The following SH3TC1 variants were observed in gnomAD, a reference collection of about 807,000 sequenced individuals.
The protein encoded by SH3TC1 is SH3 domain and tetratricopeptide repeat-containing protein 1.
A neutral mutation model predicts 117.3 loss-of-function variants in SH3TC1; 135 were observed. That is an observed-to-expected ratio of 1.15 (90% CI 1.00 to 1.33). The LOEUF is 1.33. Ranked by LOEUF, SH3TC1 falls within the 40% of genes most tolerant of loss-of-function variation. The probability of loss-of-function intolerance (pLI) is 0.00; values close to 1 mark genes in which losing one functional copy is unlikely to be tolerated. For synonymous variants in SH3TC1, 898 were observed against 816.9 expected (o/e 1.10, Z -1.69); for missense variants, 2,092 against 1,794.3 (o/e 1.17, Z -3.00).
chr4:8,215,524 G>T (rs937074260), intron 5 of SH3TC1, among the ~76,000 whole-genome samples: 19 of 152,324 alleles, frequency 1.2e-4, no homozygotes, highest in African/African-American at 4.1e-4. Flanking sequence ...AGGGCAGCAG[G>T]CTTCCTGTCT....
chr4:8,220,604 A>G lies in SH3TC1; in HGVS notation c.1112+1074A>G, dbSNP rs146408227. On this transcript the variant is annotated intron_variant, in intron 9 of 17. Transcript: ENST00000245105. ...TGTTTCCCTGGCCTTGTCCTTGTTAAGACCTCAGTCAAGGAGCCCAGAGAA... is the reference window on the plus strand; with the variant it reads ...TGTTTCCCTGGCCTTGTCCTTGTTAGGACCTCAGTCAAGGAGCCCAGAGAA... Among the ~76,000 whole-genome samples the G allele has an allele frequency of 1.7e-3, 261 of 152,284 alleles. 3 individuals are homozygous for G. The highest frequency in any genetic ancestry group is 6.0e-3 in the African/African-American group (250 of 41,548).
At position 8,227,285 on chromosome 4, in the gene SH3TC1, C is replaced by G; in HGVS notation, c.1591C>G (p.Arg531Gly). 4 of 1,607,370 alleles carry G rather than the reference C, an allele frequency of 2.5e-6. No homozygotes were observed. Among genetic ancestry groups the G allele is most frequent in the Non-Finnish European group, 3.4e-6 (4 of 1,177,508 alleles). ...GCTGCCGTGGCTGAGCAGCGTGTTCCGCAGCTTCAGCGACGAGGAGGAGCT... is the reference window on the plus strand; with the variant it reads ...GCTGCCGTGGCTGAGCAGCGTGTTCGGCAGCTTCAGCGACGAGGAGGAGCT... ...VALPWLSSVFRSFSDEEELTG... is the reference protein window; with the variant it reads ...VALPWLSSVFGSFSDEEELTG... The change falls in exon 12 of 18, where the codon CGC becomes GGC. Residue 531 changes from arginine to glycine, a missense_variant. Transcript: ENST00000245105.
intron 14 of SH3TC1, among the ~76,000 whole-genome samples, chr4:8,234,517 ATCCG>A (rs1223432882): frequency 2.0e-5 from 3 of 149,222 alleles, no homozygotes; most frequent in African/African-American, 5.0e-5. Context: ...TCATCTGTCC[ATCCG>A]TCCGTCCATC....
chr4:8,232,425 A>G (rs1296497542), intron 13 of SH3TC1: 6 of 1,549,364 alleles, frequency 3.9e-6, no homozygotes, highest in African/African-American at 1.4e-5. Context: ...CAACCCCAGC[A>G]GAAGCAGTTA....
chr4:8,206,866 T>A lies in SH3TC1; in HGVS notation c.172+1500T>A, dbSNP rs956885066. ...GTGTGTGTGTGTGTGTGTGTGTGTGTGTGATTTTCTTCTGATCCTTTTGGG... is the reference window on the plus strand; with the variant it reads ...GTGTGTGTGTGTGTGTGTGTGTGTGAGTGATTTTCTTCTGATCCTTTTGGG... On this transcript the variant is annotated intron_variant, in intron 2 of 17. Coordinates refer to ENST00000245105, the MANE Select transcript of SH3TC1 (RefSeq NM_018986.5). This position sits in a 1 kb window ranked among gnomAD's most constrained non-coding sequence, Gnocchi z 5.5. Among the ~76,000 whole-genome samples the A allele has an allele frequency of 4.0e-4, 60 of 150,020 alleles. No homozygotes were observed. The highest frequency in any genetic ancestry group is 1.5e-3 in the African/African-American group (60 of 40,878).
chr4:8,234,574 TCC>T (rs1721635719), intron 14 of SH3TC1, among the ~76,000 whole-genome samples: 1 of 76,870 alleles, frequency 1.3e-5, no homozygotes. Flanking sequence ...CATTTATCCA[TCC>T]ATCCACCCAT....
At position 8,205,889 on chromosome 4, in the gene SH3TC1, G is replaced by C. The variant is rs1381810760; in HGVS notation, c.172+523G>C. Reference sequence around the variant, plus strand: ...CAGGATCCCCTCTTACCCCCATCCTGAGACCCTGAAGGGGACGAGGGGAGA... The same window carrying C: ...CAGGATCCCCTCTTACCCCCATCCTCAGACCCTGAAGGGGACGAGGGGAGA... On this transcript the variant is annotated intron_variant, in intron 2 of 17. Coordinates refer to ENST00000245105, the MANE Select transcript of SH3TC1 (RefSeq NM_018986.5). This position sits in a 1 kb window ranked among gnomAD's most constrained non-coding sequence, Gnocchi z 5.4. 1.8e-6 allele frequency: 1 copy of C among 556,784 alleles called. No homozygotes were observed. Among genetic ancestry groups the C allele is most frequent in the African/African-American group, 1.9e-5 (1 of 53,150 alleles). 34.5% of individuals were successfully genotyped at this position (556,784 alleles called of 1,614,324 possible). A position where few individuals can be genotyped will look rare whatever the true frequency, so the allele number is the denominator to read the frequency against.
intron 12 of SH3TC1, among the ~76,000 whole-genome samples, chr4:8,230,374 G>A (rs549735507): frequency 2.2e-4 from 33 of 152,112 alleles, no homozygotes; most frequent in Non-Finnish European, 4.3e-4. Flanking sequence ...GGCCTCAAGC[G>A]ATCCTCCCAC....
Position 8,227,788 on chromosome 4 carries a change from G to A in SH3TC1, c.2094G>A (p.Ser698=), listed in dbSNP as rs771910935. Residue 698 remains serine (S), a synonymous_variant, in exon 12 of 18, where the codon TCG becomes TCA. Coordinates refer to ENST00000245105, the MANE Select transcript of SH3TC1 (RefSeq NM_018986.5). ...LERLLLLHRD[S]GAPEAAWLSD... ...GGCTGCTGCTTTTGCACAGGGACTC[G>A]GGAGCCCCAGAGGCCGCGTGGCTCT... The A allele has an allele frequency of 2.5e-6, 4 of 1,612,576 alleles. No individual in the cohort carries two copies. Among genetic ancestry groups the A allele is most frequent in the Non-Finnish European group, 3.4e-6 (4 of 1,179,952 alleles).
At chr4:8,215,807 G>A (rs950204752) in intron 5 of SH3TC1, among the ~76,000 whole-genome samples, 1 of 152,232 alleles carries the variant, frequency 6.6e-6, no homozygotes, top group East Asian at 1.9e-4. Flanking sequence ...GGCCTGCACG[G>A]CCCCCGACCA....
chr4:8,203,054 T>G (rs1717944611), intron 1 of SH3TC1, among the ~76,000 whole-genome samples: 1 of 152,220 alleles, frequency 6.6e-6, no homozygotes, highest in Admixed American at 6.5e-5. Flanking sequence ...CGTCCCTGTC[T>G]GCAGCCAACT....
chr4:8,225,874 T>G lies in SH3TC1; in HGVS notation c.1285+658T>G, dbSNP rs1720407660. 1.3e-5 allele frequency among the ~76,000 whole-genome samples: 2 copies of G among 151,918 alleles called. No individual in the cohort carries two copies. ...TGGGGAAGGGAAGGCTGTTGTAGGT[T>G]TTCCTGGGGGAGGGGGTGGATCCAC... On this transcript the variant is annotated intron_variant, in intron 11 of 17. Transcript: ENST00000245105. The surrounding 1 kb of genome is among the most constrained non-coding windows in gnomAD (Gnocchi z 5.5).
intron 13 of SH3TC1, chr4:8,232,452 T>G (rs760246973): frequency 7.3e-5 from 109 of 1,497,038 alleles, no homozygotes; most frequent in Middle Eastern, 1.8e-4. Context: ...TTCTGGGCTG[T>G]TCTTCCTACC....
At chr4:8,199,486 T>C (rs77140049) in intron 1 of SH3TC1, 81 bp downstream of exon 1, 5,594 of 152,346 alleles carry the variant, frequency 0.037, 150 homozygotes, top group Non-Finnish European at 0.059. Flanking sequence ...GTTGGATCTT[T>C]ACACTTTCTT....
Position 8,228,579 on chromosome 4 carries a change from C to T in SH3TC1, c.2885C>T (p.Ala962Val), listed in dbSNP as rs373593679. 14 of 1,590,306 alleles carry T rather than the reference C, an allele frequency of 8.8e-6. No homozygotes were observed. In the African/African-American group the frequency reaches 1.7e-4, roughly 20 times the overall value. Reference sequence around the variant, plus strand: ...CATCTCTGCACCCGCCAGGGCCCGGCCCAGCAGGGCAAGGGCTACTACGAG... The same window carrying T: ...CATCTCTGCACCCGCCAGGGCCCGGTCCAGCAGGGCAAGGGCTACTACGAG... ...LGHLCTRQGP[A>V]QQGKGYYEWA... The change falls in exon 12 of 18, where the codon GCC becomes GTC. Residue 962 changes from alanine (A) to valine (V), a missense_variant. Transcript: ENST00000245105.
Position 8,205,763 on chromosome 4 carries a change from G to A in SH3TC1, c.172+397G>A. 3.0e-6 allele frequency: 2 copies of A among 662,448 alleles called. No homozygotes were observed. The highest frequency in any genetic ancestry group is 2.8e-6 in the Non-Finnish European group (1 of 360,306). 41.0% of individuals were successfully genotyped at this position (662,448 alleles called of 1,614,324 possible). A position where few individuals can be genotyped will look rare whatever the true frequency, so the allele number is the denominator to read the frequency against. ...AGGAGGCACCCAAGGTGCAGAGAGG[G>A]AAGGGCCGGGCCAGGCCACCCTGTG... On this transcript the variant is annotated intron_variant, in intron 2 of 17. Transcript: ENST00000245105. This position sits in a 1 kb window ranked among gnomAD's most constrained non-coding sequence, Gnocchi z 5.4.
chr4:8,192,801 T>A lies in SH3TC1; in HGVS notation c.-57+10591T>A, dbSNP rs1717456366. ...GCCACGGTGCCCGGCCCACTTGTCT[T>A]TATTTGTTGCCTTCTCTTCTGCTCC... On this transcript the variant is annotated intron_variant, in intron 1 of 16. Transcript: ENST00000508641. The surrounding 1 kb of genome is among the most constrained non-coding windows in gnomAD (Gnocchi z 4.1). Among the ~76,000 whole-genome samples, 1 of 152,192 alleles carries A rather than the reference T, an allele frequency of 6.6e-6. No individual in the cohort carries two copies. Among genetic ancestry groups the A allele is most frequent in the South Asian group, 2.1e-4 (1 of 4,834 alleles).
In SH3TC1 at chr4:8,212,768, C is replaced by T. The variant is rs1220165260; in HGVS notation, c.315C>T (p.Thr105=). Residue 105 remains threonine, a synonymous_variant, in exon 4 of 18, where the codon ACC becomes ACT. Coordinates refer to ENST00000245105, the MANE Select transcript of SH3TC1 (RefSeq NM_018986.5). ...TGCGGGACCCCGGCCTACAGCAGAC[C>T]CTCCGGGGCCAGCTCCGCCTGCTGG... ...SRLRDPGLQQ[T]LRGQLRLLEN... is the part of the protein sequence containing the mutation. The T allele has an allele frequency of 1.9e-6, 3 of 1,611,984 alleles. No individual in the cohort carries two copies. The highest frequency in any genetic ancestry group is 4.5e-5 in the East Asian group (2 of 44,846).
In SH3TC1 at chr4:8,236,291, C is replaced by T. The variant is rs1486344773; in HGVS notation, c.3419C>T (p.Pro1140Leu). 3.2e-6 allele frequency: 5 copies of T among 1,554,608 alleles called. No homozygotes were observed. Among genetic ancestry groups the T allele is most frequent in the Admixed American group, 1.9e-5 (1 of 51,990 alleles). The change falls in exon 16 of 18, where the codon CCC (proline) becomes CTC (leucine). Residue 1140 changes from proline (P) to leucine (L), a missense_variant. Transcript: ENST00000245105. ...AVSFYRDRAL[P>L]LAVTTGNRKA... Reference sequence around the variant, plus strand: ...CCTGTGTGGCAGGACCGGGCCCTGCCCCTGGCAGTGACTACGGGCAACCGC... The same window carrying T: ...CCTGTGTGGCAGGACCGGGCCCTGCTCCTGGCAGTGACTACGGGCAACCGC...
Sources: gnomAD v4.1 joint callset for allele counts (sites outside exome capture counted in the v4.1 genomes callset) on GRCh38, gnomAD v4.1.1 for gene constraint, Gnocchi (gnomAD v3.1) non-coding constraint, MANE v1.5 for transcripts, NCBI Gene and HGNC (gene_info 2026-07-23, HGNC 2026-07-21) for gene names.